Variants in PARN observed in about 807,000 individuals in gnomAD.
The protein encoded by PARN is poly(A)-specific ribonuclease.
A neutral mutation model predicts 102.8 loss-of-function variants in PARN; 71 were observed. The ratio of observed to expected loss-of-function variants is 0.69; its 90% CI spans 0.57 to 0.84. PARN has a LOEUF of 0.84. Ranked by LOEUF, PARN falls within the 40% of genes least tolerant of loss-of-function variation. PARN has a pLI of 0.00. For synonymous variants in PARN, 261 were observed against 252.9 expected (o/e 1.03, Z -0.30); for missense variants, 782 against 760.9 (o/e 1.03, Z -0.33).
chr16:14,589,351 C>T (rs1018879400), intron 13 of PARN, among the ~76,000 whole-genome samples: 31 of 151,698 alleles, frequency 2.0e-4, no homozygotes, highest in African/African-American at 7.5e-4. Context: ...TTCTCTTGAA[C>T]GCAGGAGTTC....
intron 22 of PARN, among the ~76,000 whole-genome samples, chr16:14,456,718 T>C (rs1343609629): frequency 6.6e-6 from 1 of 151,982 alleles, no homozygotes; most frequent in Non-Finnish European, 1.5e-5. Flanking sequence ...GCTCTGAGAT[T>C]GCACTCCAAG....
At chr16:14,580,170 C>T (rs748613549) in intron 18 of PARN, among the ~76,000 whole-genome samples, 23 of 152,220 alleles carry the variant, frequency 1.5e-4, no homozygotes, top group Non-Finnish European at 2.6e-4. Flanking sequence ...TGGGGTTTCA[C>T]CGTGTTAGCC....
At chr16:14,611,539 TTTCTTTG>T (rs1231334959) in intron 6 of PARN, among the ~76,000 whole-genome samples, 1 of 152,030 alleles carries the variant, frequency 6.6e-6, no homozygotes, top group Non-Finnish European at 1.5e-5. Context: ...CAGCAAACTT[TTTCTTTG>T]TTTTGTTTTG....
rs1962849186 is a variant in PARN at position 14,473,246 on chromosome 16, T to A, written c.1670+9392A>T. ...AAGATTTTCCTCCTTCATTTTACAC[T>A]CTAGTGTACTACACGAATTTTTAAA... On this transcript the variant is annotated intron_variant, in intron 22 of 23. Transcript: ENST00000437198. 2.0e-5 allele frequency among the ~76,000 whole-genome samples: 3 copies of A among 152,338 alleles called. No homozygotes were observed. In the South Asian group the frequency reaches 6.2e-4, roughly 32 times the overall value.
At chr16:14,550,382 C>G (rs963835176) in intron 21 of PARN, among the ~76,000 whole-genome samples, 2 of 152,200 alleles carry the variant, frequency 1.3e-5, no homozygotes, top group Non-Finnish European at 2.9e-5. Flanking sequence ...TAAAGAACCA[C>G]AGTAAAAGCT....
At chr16:14,446,739 A>C (rs1567284213) in intron 23 of PARN, 149 bp downstream of exon 23, 3 of 567,288 alleles carry the variant, frequency 5.3e-6, no homozygotes, top group Non-Finnish European at 9.1e-6. Flanking sequence ...ATTAAATTAA[A>C]TTGATCCTAA....
chr16:14,468,776 G>A (rs778739084), intron 22 of PARN, among the ~76,000 whole-genome samples: 13 of 152,066 alleles, frequency 8.5e-5, no homozygotes, highest in Non-Finnish European at 1.9e-4. Flanking sequence ...GCACAGTGAT[G>A]TGTGACTGCA....
At chr16:14,436,990 C>G (rs541628170) in intron 23 of PARN, among the ~76,000 whole-genome samples, 3 of 152,172 alleles carry the variant, frequency 2.0e-5, no homozygotes, top group Admixed American at 2.0e-4. Context: ...ATCATGGGGG[C>G]GCGGAGGAAG....
At chr16:14,557,106 T>C (rs1013122501) in intron 18 of PARN, among the ~76,000 whole-genome samples, 1 of 152,204 alleles carries the variant, frequency 6.6e-6, no homozygotes, top group African/African-American at 2.4e-5. Context: ...CTGTTGTGTG[T>C]AAGATTATTT....
chr16:14,520,159 G>A (rs1965661824), intron 21 of PARN, among the ~76,000 whole-genome samples: 1 of 152,190 alleles, frequency 6.6e-6, no homozygotes, highest in African/African-American at 2.4e-5. Context: ...AGTTCAGACT[G>A]TAAGAAATGC....
chr16:14,562,256 CAG>C (rs1169383835), intron 18 of PARN, among the ~76,000 whole-genome samples: 1 of 151,932 alleles, frequency 6.6e-6, no homozygotes, highest in Non-Finnish European at 1.5e-5. Context: ...GCAGGCAGAT[CAG>C]AGTTTGAAAC....
At chr16:14,537,133 C>T (rs1966643011) in intron 21 of PARN, among the ~76,000 whole-genome samples, 1 of 152,084 alleles carries the variant, frequency 6.6e-6, no homozygotes, top group African/African-American at 2.4e-5. Flanking sequence ...GGCAAAGAAA[C>T]AGAAAAGGCA....
At chr16:14,608,192 T>G in intron 9 of PARN, 89 bp downstream of exon 9, 1 of 984,350 alleles carries the variant, frequency 1.0e-6, no homozygotes, top group South Asian at 1.6e-5. Flanking sequence ...CCGCAGAATT[T>G]CAAAAAGGAA....
At chr16:14,519,295 G>C (rs890511580) in intron 21 of PARN, among the ~76,000 whole-genome samples, 2 of 117,934 alleles carry the variant, frequency 1.7e-5, no homozygotes, top group African/African-American at 6.3e-5. Context: ...GGAAGGGAGG[G>C]GAGGGGAGGG....
chr16:14,587,329 C>T (rs550586403), intron 13 of PARN, among the ~76,000 whole-genome samples: 3 of 152,280 alleles, frequency 2.0e-5, no homozygotes, highest in South Asian at 2.1e-4. Context: ...AGGAGAATTA[C>T]GGCCACCTCC....
chr16:14,442,819 G>C (rs911872346), intron 23 of PARN, among the ~76,000 whole-genome samples: 1 of 152,170 alleles, frequency 6.6e-6, no homozygotes, highest in African/African-American at 2.4e-5. Context: ...TGTTGGCCAG[G>C]CTGGTCTCGA....
intron 22 of PARN, among the ~76,000 whole-genome samples, chr16:14,481,790 G>A (rs1963398454): frequency 6.6e-6 from 1 of 152,142 alleles, no homozygotes; most frequent in South Asian, 2.1e-4. Flanking sequence ...ATGAACATAT[G>A]TATGTACACA....
chr16:14,568,214 CT>C (rs543071760), intron 18 of PARN, among the ~76,000 whole-genome samples: 23,210 of 139,258 alleles, frequency 0.17, 1,769 homozygotes, highest in Middle Eastern at 0.26. Context: ...TTATTTTTAC[CT>C]TTTTTTTTTT....
At chr16:14,472,280 C>T (rs554661512) in intron 22 of PARN, among the ~76,000 whole-genome samples, 3 of 152,260 alleles carry the variant, frequency 2.0e-5, no homozygotes, top group African/African-American at 7.2e-5. Context: ...CTGCATTTTA[C>T]ATTAACGAGA....
Sources: allele counts gnomAD v4.1 joint callset (sites outside exome capture counted in the v4.1 genomes callset), GRCh38; gene constraint gnomAD v4.1.1; transcripts MANE v1.5; gene names NCBI Gene and HGNC (gene_info 2026-07-23, HGNC 2026-07-21).